RASA3: variants seen among roughly 807,000 people sequenced by gnomAD.
RASA3 encodes RAS p21 protein activator 3.
In RASA3, 73 loss-of-function variants were observed where a neutral mutation model predicts 110.0. The ratio of observed to expected loss-of-function variants is 0.66; its 90% CI spans 0.55 to 0.81. The LOEUF (loss-of-function observed/expected upper bound fraction) is 0.81. Among genes scored for constraint, RASA3 ranks in the 30% least tolerant of loss-of-function variants. RASA3 has a pLI of 0.00. For synonymous variants in RASA3, 500 were observed against 451.4 expected (o/e 1.11, Z -1.37); for missense variants, 976 against 1,113.2 (o/e 0.88, Z 1.75).
chr13:113,993,153 A>C lies in RASA3; in HGVS notation c.2142-565T>G, dbSNP rs75181615. ...CTTCAGTCATTTCAAACACAGAAGG[A>C]GGCTGTGTGCTTGTTTCCCTGCTCA... is the stretch of plus-strand genomic sequence containing the variant. On this transcript the variant is annotated intron_variant, in intron 21 of 23. Coordinates refer to ENST00000334062, the MANE Select transcript of RASA3 (RefSeq NM_007368.4). 7.7e-4 allele frequency among the ~76,000 whole-genome samples: 118 copies of C among 152,280 alleles called. 2 individuals carry two copies. Among genetic ancestry groups the C allele is most frequent in the African/African-American group, 2.8e-3 (117 of 41,558 alleles).
At chr13:114,118,893 A>G (rs1238934090) in intron 1 of RASA3, among the ~76,000 whole-genome samples, 1 of 152,274 alleles carries the variant, frequency 6.6e-6, no homozygotes, top group African/African-American at 2.4e-5. Flanking sequence ...GGGTGTGGGC[A>G]GCGACAGGGG....
At chr13:114,117,143 A>T (rs1210355870) in intron 1 of RASA3, among the ~76,000 whole-genome samples, 9 of 84,238 alleles carry the variant, frequency 1.1e-4, no homozygotes, top group East Asian at 3.8e-4. Context: ...GTGTGAGGAG[A>T]GCACGTGTGT....
intron 2 of RASA3, among the ~76,000 whole-genome samples, chr13:114,062,400 A>G (rs2139618336): frequency 1.3e-5 from 2 of 152,280 alleles, no homozygotes; most frequent in East Asian, 3.9e-4. Flanking sequence ...AGGGAGGTGG[A>G]GATGCGAATC....
intron 1 of RASA3, among the ~76,000 whole-genome samples, chr13:114,095,889 C>A (rs1046841595): frequency 1.3e-5 from 2 of 152,210 alleles, no homozygotes; most frequent in South Asian, 2.1e-4. Context: ...ACTTTCTAAT[C>A]CAGTAAAAGT....
intron 1 of RASA3, among the ~76,000 whole-genome samples, chr13:114,109,807 C>T (rs1286117336): frequency 1.3e-5 from 2 of 152,116 alleles, no homozygotes; most frequent in African/African-American, 2.4e-5. Flanking sequence ...CGCAGGGCCA[C>T]GAGGCAGGCG....
chr13:114,058,562 G>C (rs1366847428), intron 2 of RASA3, among the ~76,000 whole-genome samples: 1 of 152,232 alleles, frequency 6.6e-6, no homozygotes, highest in Non-Finnish European at 1.5e-5. Flanking sequence ...CAGACCTGAG[G>C]CCACCCTTGC....
intron 18 of RASA3, among the ~76,000 whole-genome samples, chr13:114,003,662 T>C (rs970146924): frequency 6.6e-6 from 1 of 152,212 alleles, no homozygotes; most frequent in Non-Finnish European, 1.5e-5. Flanking sequence ...ATATTCTGTG[T>C]CCTTGTACCT....
intron 18 of RASA3, among the ~76,000 whole-genome samples, chr13:114,003,731 C>A (rs2053455162): frequency 6.6e-6 from 1 of 152,102 alleles, no homozygotes; most frequent in Admixed American, 6.5e-5. Flanking sequence ...CAGCCTATGC[C>A]CCTTCCTTAT....
In RASA3 at chr13:114,048,862, G is replaced by A. The variant is rs1290618549; in HGVS notation, c.277+3190C>T. Among the ~76,000 whole-genome samples the A allele has an allele frequency of 6.6e-6, 1 of 152,100 alleles. No homozygotes were observed. The highest frequency in any genetic ancestry group is 1.5e-5 in the Non-Finnish European group (1 of 68,016). On this transcript the variant is annotated intron_variant, in intron 3 of 23. Coordinates refer to ENST00000334062, the MANE Select transcript of RASA3 (RefSeq NM_007368.4). The surrounding 1 kb of genome is among the most constrained non-coding windows in gnomAD (Gnocchi z 4.3). ...TGGCGGGAGCTGACTGCAGCCGGTG[G>A]AGGTGCCGGGGTGGGCTGGGGAGGG...
intron 20 of RASA3, among the ~76,000 whole-genome samples, chr13:113,998,244 C>G (rs1594292769): frequency 6.6e-6 from 1 of 152,152 alleles, no homozygotes; most frequent in Non-Finnish European, 1.5e-5. Flanking sequence ...AGCCCACACC[C>G]TCCTCTTCCC....
intron 1 of RASA3, among the ~76,000 whole-genome samples, chr13:114,104,985 C>T (rs1476805710): frequency 6.6e-6 from 1 of 151,982 alleles, no homozygotes; most frequent in African/African-American, 2.4e-5. Context: ...AGGGTGGCCC[C>T]CAGGCTCTCG....
At chr13:114,041,860 T>C (rs1192565349) in intron 3 of RASA3, among the ~76,000 whole-genome samples, 2 of 152,094 alleles carry the variant, frequency 1.3e-5, no homozygotes, top group Non-Finnish European at 2.9e-5. Flanking sequence ...AGCCTGAAAG[T>C]GTAGATTCCT....
At chr13:114,100,714 C>T (rs1313449787) in intron 1 of RASA3, among the ~76,000 whole-genome samples, 2 of 152,178 alleles carry the variant, frequency 1.3e-5, no homozygotes, top group Non-Finnish European at 1.5e-5. Context: ...GGTTCGGTCT[C>T]TCTGCTGCCC....
intron 1 of RASA3, among the ~76,000 whole-genome samples, chr13:114,126,618 C>T (rs1342186912): frequency 6.6e-6 from 1 of 152,226 alleles, no homozygotes; most frequent in Non-Finnish European, 1.5e-5. Context: ...CAACACCCTC[C>T]TACTTATTAA....
intron 2 of RASA3, among the ~76,000 whole-genome samples, chr13:114,071,094 CT>C (rs2079565260): frequency 6.6e-6 from 1 of 152,228 alleles, no homozygotes. Flanking sequence ...GTTTCTCTTT[CT>C]TTGCTATCAG....
intron 4 of RASA3, among the ~76,000 whole-genome samples, chr13:114,031,353 CTG>C (rs1194403404): frequency 6.6e-6 from 1 of 151,262 alleles, no homozygotes; most frequent in Admixed American, 6.6e-5. Flanking sequence ...GTGTGTCCTT[CTG>C]TGTGTGTGTG....
At chr13:114,062,420 A>G (rs955449880) in intron 2 of RASA3, among the ~76,000 whole-genome samples, 11 of 152,188 alleles carry the variant, frequency 7.2e-5, no homozygotes, top group Admixed American at 5.9e-4. Flanking sequence ...CCAAACACAC[A>G]ACTTGTGCAA....
intron 6 of RASA3, among the ~76,000 whole-genome samples, 167 bp downstream of exon 6, chr13:114,027,680 A>G (rs943144375): frequency 6.6e-6 from 1 of 152,206 alleles, no homozygotes; most frequent in Non-Finnish European, 1.5e-5. Context: ...ATTTTCTACA[A>G]AGCAATTTTG....
intron 1 of RASA3, among the ~76,000 whole-genome samples, chr13:114,117,693 T>G (rs71437273): frequency 0.063 from 7,458 of 118,374 alleles, 268 homozygotes; most frequent in East Asian, 0.2. Context: ...GGGGTGCATG[T>G]GTGTGAGGGG....
Sources: allele counts gnomAD v4.1 joint callset (sites outside exome capture counted in the v4.1 genomes callset), GRCh38; gene constraint gnomAD v4.1.1; non-coding constraint Gnocchi (gnomAD v3.1); transcripts MANE v1.5; gene names NCBI Gene and HGNC (gene_info 2026-07-23, HGNC 2026-07-21).